HPSE2: variants seen among roughly 807,000 people sequenced by gnomAD.
HPSE2 encodes heparanase 2 (inactive), also known as inactive heparanase-2.
HPSE2 carries 38 observed loss-of-function variants against 60.5 expected under a neutral mutation model. The ratio of observed to expected loss-of-function variants is 0.63; its 90% CI spans 0.48 to 0.82. The LOEUF (loss-of-function observed/expected upper bound fraction) is 0.82. HPSE2 is among the 40% of genes least tolerant of loss of function. The pLI is 0.00. For missense variants in HPSE2, 713 were observed against 740.4 expected, an observed-to-expected ratio of 0.96 and a Z score of 0.43; for synonymous variants, 295 against 293.2, an observed-to-expected ratio of 1.01 and a Z score of -0.06.
intron 6 of HPSE2, among the ~76,000 whole-genome samples, chr10:98,680,301 T>C (rs751344154): frequency 6.6e-6 from 1 of 151,844 alleles, no homozygotes; most frequent in Non-Finnish European, 1.5e-5. Context: ...ATAGACATAG[T>C]TTTTTTTTCT....
At chr10:99,047,452 A>G (rs1225144352) in intron 3 of HPSE2, among the ~76,000 whole-genome samples, 2 of 152,244 alleles carry the variant, frequency 1.3e-5, no homozygotes, top group Non-Finnish European at 2.9e-5. Flanking sequence ...CAATTGCAAC[A>G]TAAACAAAAA....
chr10:99,044,779 C>T (rs1564761713), intron 3 of HPSE2, among the ~76,000 whole-genome samples: 1 of 152,154 alleles, frequency 6.6e-6, no homozygotes, highest in Non-Finnish European at 1.5e-5. Context: ...AAGGGCATTA[C>T]ATAATGATAA....
intron 2 of HPSE2, among the ~76,000 whole-genome samples, chr10:99,163,902 G>T (rs1406850679): frequency 6.6e-6 from 1 of 151,884 alleles, no homozygotes; most frequent in Non-Finnish European, 1.5e-5. Flanking sequence ...TACCACAAAG[G>T]TATGTTTAGC....
At chr10:98,896,092 T>TA (rs920580645) in intron 3 of HPSE2, among the ~76,000 whole-genome samples, 18 of 149,638 alleles carry the variant, frequency 1.2e-4, no homozygotes, top group African/African-American at 3.4e-4. Context: ...TAATAATAAT[T>TA]AAAAAAAAGA....
intron 10 of HPSE2, among the ~76,000 whole-genome samples, chr10:98,484,692 T>A (rs2133657492): frequency 6.6e-6 from 1 of 152,370 alleles, no homozygotes; most frequent in South Asian, 2.1e-4. Flanking sequence ...GTCAAATTTA[T>A]CTTTTTGATT....
rs1177556672 is a variant in HPSE2 at position 99,184,819 on chromosome 10, TAGAGAGAGAGAG to T, written c.449-40432_449-40421del. Among the ~76,000 whole-genome samples the T allele has an allele frequency of 9.0e-3, 178 of 19,844 alleles. 10 individuals carry two copies. Among genetic ancestry groups the T allele is most frequent in the African/African-American group, 0.011 (63 of 6,000 alleles). The allele number at this position is 19,844 out of a possible 152,430, so 13.0% of individuals were successfully genotyped here. ...ATATATATATATATATATATATATA[TAGAGAGAGAGAG>T]AGAGAGAGAGAGAGAGAGAGAGAGA... On this transcript the variant is annotated intron_variant, in intron 2 of 11. Transcript: ENST00000370552.
intron 3 of HPSE2, among the ~76,000 whole-genome samples, chr10:98,952,876 C>T (rs756936908): frequency 6.6e-5 from 10 of 152,066 alleles, no homozygotes; most frequent in Non-Finnish European, 1.3e-4. Flanking sequence ...CCTAATTGAA[C>T]CTTAATTACC....
At chr10:98,945,459 C>T (rs1398361683) in intron 3 of HPSE2, among the ~76,000 whole-genome samples, 2 of 152,070 alleles carry the variant, frequency 1.3e-5, no homozygotes, top group Non-Finnish European at 2.9e-5. Context: ...GCTTTCTTTA[C>T]CCTCTTAACC....
chr10:99,061,469 C>G (rs746415068), intron 3 of HPSE2, among the ~76,000 whole-genome samples: 3 of 152,168 alleles, frequency 2.0e-5, no homozygotes, highest in Non-Finnish European at 4.4e-5. Flanking sequence ...TATAGCAGGA[C>G]AGTTAATACA....
chr10:98,507,505 GT>G (rs1942241422), intron 9 of HPSE2, among the ~76,000 whole-genome samples: 1 of 152,258 alleles, frequency 6.6e-6, no homozygotes, highest in South Asian at 2.1e-4. Flanking sequence ...GCAATGGAGG[GT>G]TTTGGTTTTT....
intron 6 of HPSE2, among the ~76,000 whole-genome samples, chr10:98,649,097 C>T (rs779436832): frequency 6.6e-6 from 1 of 152,108 alleles, no homozygotes; most frequent in Admixed American, 6.5e-5. Flanking sequence ...TGCCAGAACC[C>T]AACCATCTAT....
intron 3 of HPSE2, among the ~76,000 whole-genome samples, chr10:98,755,986 T>C (rs1178460339): frequency 6.6e-6 from 1 of 151,762 alleles, no homozygotes; most frequent in Non-Finnish European, 1.5e-5. Context: ...CAGAGAGAGA[T>C]TCTGTCTCAA....
intron 6 of HPSE2, among the ~76,000 whole-genome samples, chr10:98,677,555 C>T (rs1195832536): frequency 6.6e-6 from 1 of 152,122 alleles, no homozygotes. Flanking sequence ...ATTTAGTCTT[C>T]ATGATAGTTT....
chr10:99,009,023 G>A (rs563767323), intron 3 of HPSE2, among the ~76,000 whole-genome samples: 1 of 152,216 alleles, frequency 6.6e-6, no homozygotes, highest in East Asian at 1.9e-4. Context: ...CTTTGCAACA[G>A]TTGAGGGGAA....
At chr10:98,484,532 C>T (rs770273951) in intron 10 of HPSE2, among the ~76,000 whole-genome samples, 9 of 152,244 alleles carry the variant, frequency 5.9e-5, no homozygotes, top group South Asian at 2.1e-4. Context: ...ACACCATGCC[C>T]GGACACCTTT....
intron 2 of HPSE2, among the ~76,000 whole-genome samples, chr10:99,184,415 T>C (rs1023672143): frequency 1.3e-5 from 2 of 149,998 alleles, no homozygotes; most frequent in Non-Finnish European, 3.0e-5. Flanking sequence ...GGCCCAGCTA[T>C]TCGGGAGGCT....
intron 2 of HPSE2, among the ~76,000 whole-genome samples, chr10:99,191,173 T>C (rs947420261): frequency 6.6e-6 from 1 of 151,952 alleles, no homozygotes; most frequent in Non-Finnish European, 1.5e-5. Flanking sequence ...AGACAACACC[T>C]CTGGACCTAC....
At position 98,591,404 on chromosome 10, in the gene HPSE2, T is replaced by C. The variant is rs530479851; in HGVS notation, c.1320+23500A>G. On this transcript the variant is annotated intron_variant, in intron 9 of 11. Coordinates refer to ENST00000370552, the MANE Select transcript of HPSE2 (RefSeq NM_021828.5). Reference sequence around the variant, plus strand: ...TTGGCCAGGCATGGTGGCTCATGTCTGTAATCCCAGCACTTTGGGAGGCTG... The same window carrying C: ...TTGGCCAGGCATGGTGGCTCATGTCCGTAATCCCAGCACTTTGGGAGGCTG... Among the ~76,000 whole-genome samples, 4 of 152,344 alleles carry C rather than the reference T, an allele frequency of 2.6e-5. No individual in the cohort carries two copies. In the South Asian group the frequency reaches 8.3e-4, roughly 32 times the overall value.
chr10:98,739,468 A>T (rs547221299), intron 4 of HPSE2, among the ~76,000 whole-genome samples: 1 of 152,070 alleles, frequency 6.6e-6, no homozygotes, highest in Non-Finnish European at 1.5e-5. Context: ...AAGAAGAAGA[A>T]AAAAAGAAAA....
Sources: allele counts gnomAD v4.1 joint callset (sites outside exome capture counted in the v4.1 genomes callset), GRCh38; gene constraint gnomAD v4.1.1; transcripts MANE v1.5; gene names NCBI Gene and HGNC (gene_info 2026-07-23, HGNC 2026-07-21).